The following CACNA1G variants were observed in gnomAD, a reference collection of about 807,000 sequenced individuals.
The protein encoded by CACNA1G is calcium voltage-gated channel subunit alpha1 G.
Under a neutral mutation model 219.4 loss-of-function variants are expected in CACNA1G, and 67 were observed. That is an observed-to-expected ratio of 0.31 (90% CI 0.25 to 0.37). The LOEUF (loss-of-function observed/expected upper bound fraction) is 0.37, where lower values mean the gene tolerates loss of function less well. Ranked by LOEUF, CACNA1G falls within the 10% of genes least tolerant of loss-of-function variation. The pLI is 1.00. For missense variants in CACNA1G, 2,380 were observed against 3,231.4 expected (o/e 0.74, Z 6.39); for synonymous variants, 1,296 against 1,345.3 (o/e 0.96, Z 0.80).
At chr17:50,625,834 G>A (rs2053652810) in intron 37 of CACNA1G, among the ~76,000 whole-genome samples, 183 bp from the exon 38 acceptor site, 2 of 152,136 alleles carry the variant, frequency 1.3e-5, no homozygotes, top group South Asian at 4.1e-4. Flanking sequence ...GAGGCATGGT[G>A]GACAACAGAG....
intron 22 of CACNA1G, 137 bp downstream of exon 22, chr17:50,604,418 G>C: frequency 8.7e-7 from 1 of 1,144,838 alleles, no homozygotes; most frequent in South Asian, 1.6e-5. Context: ...TTCCCTCCAG[G>C]CTCTAGGCCC....
At position 50,621,096 on chromosome 17, in the gene CACNA1G, C is replaced by T. The variant is rs2051806978; in HGVS notation, c.5926-564C>T. ...GGCTGCAGGCAGGCGGAGGAGGGCC[C>T]ACGAGGGGAGAAGCCAGAATCTGGG... is the stretch of plus-strand genomic sequence containing the variant. On this transcript the variant is annotated intron_variant, in intron 34 of 37. Transcript: ENST00000359106. This position sits in a 1 kb window ranked among gnomAD's most constrained non-coding sequence, Gnocchi z 4.6. Among the ~76,000 whole-genome samples the T allele has an allele frequency of 6.6e-6, 1 of 152,160 alleles. No homozygotes were observed. The highest frequency in any genetic ancestry group is 2.4e-5 in the African/African-American group (1 of 41,444).
chr17:50,606,891 C>T lies in CACNA1G; in HGVS notation c.4423-9C>T, dbSNP rs1261938947. On this transcript the variant is annotated splice_polypyrimidine_tract_variant and intron_variant, in intron 23 of 37. Transcript: ENST00000359106. Reference sequence around the variant, plus strand: ...ACTTCAAATGTCTCCTTCTCCTCCTCCCCATCAGGCCCTGATGTCCCTGTT... The same window carrying T: ...ACTTCAAATGTCTCCTTCTCCTCCTTCCCATCAGGCCCTGATGTCCCTGTT... 2.5e-6 allele frequency: 4 copies of T among 1,605,366 alleles called. No homozygotes were observed.
chr17:50,590,966 A>G (rs2044184583), intron 10 of CACNA1G, among the ~76,000 whole-genome samples: 1 of 152,080 alleles, frequency 6.6e-6, no homozygotes, highest in African/African-American at 2.4e-5. Flanking sequence ...TGGAAGAGGT[A>G]TGAGGCCCAG....
At chr17:50,592,565 G>T (rs140114894) in intron 13 of CACNA1G, among the ~76,000 whole-genome samples, 68 of 152,352 alleles carry the variant, frequency 4.5e-4, no homozygotes, top group African/African-American at 1.5e-3. Context: ...GGTGAGAAAT[G>T]AGCCCAATTA....
chr17:50,583,253 T>A (rs1239245193), intron 9 of CACNA1G, among the ~76,000 whole-genome samples: 1 of 152,100 alleles, frequency 6.6e-6, no homozygotes, highest in African/African-American at 2.4e-5. Flanking sequence ...GATGATCCTT[T>A]GCAGCTGACT....
rs78807786 is a variant in CACNA1G at position 50,589,294 on chromosome 17, C to G, written c.2302-1177C>G. Among the ~76,000 whole-genome samples the G allele has an allele frequency of 7.5e-3, 1,145 of 152,232 alleles. 16 individuals are homozygous for G. The highest frequency in any genetic ancestry group is 0.026 in the African/African-American group (1,088 of 41,522). ...CCTTGGCTGGGGAGACTCCACAAAC[C>G]CTTAGGCATTCAAGTGCTGCCTCTC... is the stretch of plus-strand genomic sequence containing the variant. On this transcript the variant is annotated intron_variant, in intron 9 of 37. Transcript: ENST00000359106.
In CACNA1G at chr17:50,618,910, G is replaced by A. The variant is rs767275608; in HGVS notation, c.5683G>A (p.Val1895Ile). Residue 1895 changes from valine (V) to isoleucine (I), a missense_variant, in exon 33 of 38, where the codon GTC (valine) becomes ATC (isoleucine). By Grantham distance (29) the Val-to-Ile change is conservative. This residue lies in a region of CACNA1G where 672 missense variants were observed against 670.5 expected (regional missense o/e 1.00). Coordinates refer to ENST00000359106, the MANE Select transcript of CACNA1G (RefSeq NM_018896.5). This position sits in a 1 kb window ranked among gnomAD's most constrained non-coding sequence, Gnocchi z 5.3. The stretch of plus-strand genomic sequence containing the variant: ...GGGCAGCCCCTTCCTCTGGCCTGGG[G>A]TCGAGGGCCCCGACAGCCCCGACAG... ...PLGSPFLWPGVEGPDSPDSPK... is the reference protein window; with the variant it reads ...PLGSPFLWPGIEGPDSPDSPK... The A allele has an allele frequency of 6.2e-7, 1 of 1,608,250 alleles. No individual in the cohort carries two copies. The highest frequency in any genetic ancestry group is 2.2e-5 in the East Asian group (1 of 44,762).
rs2053834109 is a variant in CACNA1G at position 50,626,504 on chromosome 17, G to A, written c.6887G>A (p.Gly2296Glu). 4 of 1,581,034 alleles carry A rather than the reference G, an allele frequency of 2.5e-6. No homozygotes were observed. Among genetic ancestry groups the A allele is most frequent in the Non-Finnish European group, 3.4e-6 (4 of 1,165,308 alleles). The change falls in exon 38 of 38, where the codon GGG becomes GAG. Residue 2296 changes from glycine (G) to glutamate (E), a missense_variant. Physicochemically the swap from Gly to Glu is moderately conservative, Grantham distance 98. Coordinates refer to ENST00000359106, the MANE Select transcript of CACNA1G (RefSeq NM_018896.5). This position sits in a 1 kb window ranked among gnomAD's most constrained non-coding sequence, Gnocchi z 4.3. ...DPSNLGGQPL[G>E]GPGSRPKKKL... ...TCTAACCTTGGGGGCCAGCCTCTTGGGGGGCCTGGGAGCCGGCCCAAGAAA... is the reference window on the plus strand; with the variant it reads ...TCTAACCTTGGGGGCCAGCCTCTTGAGGGGCCTGGGAGCCGGCCCAAGAAA...
Position 50,618,390 on chromosome 17 carries a change from C to T in CACNA1G, c.5427+47C>T. ...AGGCTCCAGGGAGGCAGCCCCACTT[C>T]CTGAGCTAGGATTCCTTGGGAAGAT... On this transcript the variant is annotated intron_variant, in intron 32 of 37. Coordinates refer to ENST00000359106, the MANE Select transcript of CACNA1G (RefSeq NM_018896.5). The surrounding 1 kb of genome is among the most constrained non-coding windows in gnomAD (Gnocchi z 5.3). 1.2e-6 allele frequency: 2 copies of T among 1,600,750 alleles called. No homozygotes were observed. The highest frequency in any genetic ancestry group is 1.1e-5 in the South Asian group (1 of 90,352).
intron 8 of CACNA1G, among the ~76,000 whole-genome samples, chr17:50,576,553 G>C (rs900530312): frequency 1.3e-5 from 2 of 152,252 alleles, no homozygotes; most frequent in Non-Finnish European, 2.9e-5. Context: ...TAACTATCAT[G>C]TAATAAGCAC....
At position 50,618,604 on chromosome 17, in the gene CACNA1G, G is replaced by T; in HGVS notation, c.5428-51G>T. 1 of 1,403,304 alleles carries T rather than the reference G, an allele frequency of 7.1e-7. No individual in the cohort carries two copies. Among genetic ancestry groups the T allele is most frequent in the Non-Finnish European group, 1.0e-6 (1 of 1,004,570 alleles). 86.9% of individuals were successfully genotyped at this position (1,403,304 alleles called of 1,614,324 possible). A position where few individuals can be genotyped will look rare whatever the true frequency, so the allele number is the denominator to read the frequency against. On this transcript the variant is annotated intron_variant, in intron 32 of 37. Transcript: ENST00000359106. This position sits in a 1 kb window ranked among gnomAD's most constrained non-coding sequence, Gnocchi z 5.3. ...ACCAGTGACCTGATTTTCCACAACA[G>T]CTCCAACAACTGTCCTCCCCAGCCT...
In CACNA1G at chr17:50,619,839, C is replaced by A; in HGVS notation, c.5925+13C>A. ...CTCCGACCCACAGGTTACTGTGCCC[C>A]TGTGCTGTGCCCTCTCCCCTGACCG... On this transcript the variant is annotated intron_variant, in intron 34 of 37. Transcript: ENST00000359106. 6.3e-7 allele frequency: 1 copy of A among 1,596,298 alleles called. No homozygotes were observed.
At chr17:50,610,942 C>T (rs2146069034) in intron 26 of CACNA1G, among the ~76,000 whole-genome samples, 1 of 152,200 alleles carries the variant, frequency 6.6e-6, no homozygotes, top group South Asian at 2.1e-4. Flanking sequence ...GGGTTTCTTT[C>T]AAGCTTTTTG....
intron 23 of CACNA1G, chr17:50,606,343 G>C: frequency 1.6e-6 from 1 of 635,758 alleles, no homozygotes; most frequent in South Asian, 1.8e-5. Flanking sequence ...GGCAGCCCTG[G>C]ATGTGAATCC....
chr17:50,582,052 C>T (rs1228733487), intron 9 of CACNA1G, among the ~76,000 whole-genome samples: 1 of 152,248 alleles, frequency 6.6e-6, no homozygotes, highest in Non-Finnish European at 1.5e-5. Flanking sequence ...TTGGTTCTCC[C>T]AAGCCAGTGA....
In CACNA1G at chr17:50,599,671, G is replaced by A; in HGVS notation, c.3502G>A (p.Ala1168Thr). The change falls in exon 17 of 38, where the codon GCC becomes ACC. Residue 1168 changes from alanine (A) to threonine (T), a missense_variant. By Grantham distance (58) the Ala-to-Thr change is moderately conservative. This residue lies in a region of CACNA1G where 418 missense variants were observed against 434.3 expected (regional missense o/e 0.96). Transcript: ENST00000359106. ...HRHRGSLERE[A>T]KSSFDLPDTL... ...CCACAGGGGGTCCCTGGAGCGGGAG[G>A]CCAAGAGTTCCTTTGACCTGCCAGA... 3 of 1,613,196 alleles carry A rather than the reference G, an allele frequency of 1.9e-6. No individual in the cohort carries two copies. Among genetic ancestry groups the A allele is most frequent in the East Asian group, 2.2e-5 (1 of 44,862 alleles).
At chr17:50,608,925 C>T (rs899152870) in intron 25 of CACNA1G, among the ~76,000 whole-genome samples, 6 of 152,208 alleles carry the variant, frequency 3.9e-5, no homozygotes, top group East Asian at 3.9e-4. Context: ...CTCTCAGTCA[C>T]GGCCCACGTC....
chr17:50,626,605 T>C lies in CACNA1G; in HGVS notation c.6988T>C (p.Cys2330Arg), dbSNP rs1211675500. The change falls in exon 38 of 38, where the codon TGC becomes CGC. Residue 2330 changes from cysteine to arginine, a missense_variant. Around this residue, in one of 17 missense-constraint regions of CACNA1G, gnomAD observed 672 missense variants for 670.5 expected, o/e 1.00. Transcript: ENST00000359106. This position sits in a 1 kb window ranked among gnomAD's most constrained non-coding sequence, Gnocchi z 4.3. Reference protein sequence around the residue: ...GPRTPPSPGICLRRRAPSSDS... With the variant: ...GPRTPPSPGIRLRRRAPSSDS... ...TCGGACCCCGCCCAGCCCTGGTATC[T>C]GCCTCCGGAGGAGGGCTCCGTCCAG... is the stretch of plus-strand genomic sequence containing the variant. 2 of 1,610,026 alleles carry C rather than the reference T, an allele frequency of 1.2e-6. No individual in the cohort carries two copies. Among genetic ancestry groups the C allele is most frequent in the Non-Finnish European group, 1.7e-6 (2 of 1,179,192 alleles).
Sources: allele counts gnomAD v4.1 joint callset (sites outside exome capture counted in the v4.1 genomes callset), GRCh38; gene constraint gnomAD v4.1.1; regional missense constraint gnomAD v4.1.1; non-coding constraint Gnocchi (gnomAD v3.1); transcripts MANE v1.5; gene names NCBI Gene and HGNC (gene_info 2026-07-23, HGNC 2026-07-21).